Variants in ATP5MC2 observed in about 807,000 individuals in gnomAD.
ATP5MC2 encodes the protein ATP synthase membrane subunit c locus 2.
In ATP5MC2, 11 loss-of-function variants were observed where a neutral mutation model predicts 13.5. The ratio of observed to expected loss-of-function variants is 0.81; its 90% CI spans 0.51 to 1.35. The LOEUF (loss-of-function observed/expected upper bound fraction) is 1.35, where lower values mean the gene tolerates loss of function less well. Ranked by LOEUF, ATP5MC2 falls within the 40% of genes most tolerant of loss-of-function variation. The pLI, the probability that ATP5MC2 is intolerant of heterozygous loss-of-function variation, is 0.00. For synonymous variants in ATP5MC2, 64 were observed against 69.7 expected, an observed-to-expected ratio of 0.92 and a Z score of 0.41; for missense variants, 132 against 175.0, an observed-to-expected ratio of 0.75 and a Z score of 1.39.
chr12:53,675,221 C>T (rs1004847576), intron 1 of ATP5MC2, among the ~76,000 whole-genome samples: 75 of 152,166 alleles, frequency 4.9e-4, no homozygotes, highest in Admixed American at 4.6e-3. Context: ...TTTCCTTAAA[C>T]CTTCTTTTCC....
intron 1 of ATP5MC2, among the ~76,000 whole-genome samples, chr12:53,674,376 C>G (rs145631668): frequency 6.6e-6 from 1 of 152,198 alleles, no homozygotes; most frequent in Admixed American, 6.5e-5. Context: ...GAATAAGGCT[C>G]AAGTGCCCTG....
intron 4 of ATP5MC2, 55 bp from the exon 5 acceptor site, chr12:53,665,483 T>A: frequency 1.4e-6 from 2 of 1,383,922 alleles, no homozygotes; most frequent in Non-Finnish European, 2.1e-6. Flanking sequence ...AAGAAAAGGA[T>A]AAATATCTAA....
In ATP5MC2 at chr12:53,669,948, C is replaced by T. The variant is rs914616966; in HGVS notation, c.40G>A (p.Val14Ile). The T allele has an allele frequency of 6.2e-6, 10 of 1,613,812 alleles. No homozygotes were observed. Among genetic ancestry groups the T allele is most frequent in the African/African-American group, 1.3e-5 (1 of 74,926 alleles). ...CSKFVSTPSL[V>I]KSTSQLLSRP... Reference sequence around the variant, plus strand: ...CTCAGCAGCTGTGAGGTGCTCTTGACCTAGCAGGAATGACATACAGGGGCA... The same window carrying T: ...CTCAGCAGCTGTGAGGTGCTCTTGATCTAGCAGGAATGACATACAGGGGCA... The change falls in exon 3 of 5, where the codon GTC becomes ATC. Residue 14 changes from valine to isoleucine, a missense_variant and splice_region_variant. Physicochemically the swap from Val to Ile is conservative, Grantham distance 29. Coordinates refer to ENST00000394349, the MANE Select transcript of ATP5MC2 (RefSeq NM_005176.7).
upstream of ATP5MC2, among the ~76,000 whole-genome samples, chr12:53,677,959 C>A (rs555059703): frequency 6.6e-6 from 1 of 152,326 alleles, no homozygotes; most frequent in African/African-American, 2.4e-5. Flanking sequence ...GGAGCCACCA[C>A]CCCCAAACGG....
rs57929423 is a variant in ATP5MC2 at position 53,672,594 on chromosome 12, A to G, written c.21T>C (p.Phe7=). The G allele has an allele frequency of 2.9e-3, 4,595 of 1,583,180 alleles. 74 individuals are homozygous for G. The African/African-American group carries it at 0.032, about 11-fold the overall frequency. The change falls in exon 2 of 5, where the codon TTT becomes TTC. Residue 7 remains phenylalanine, a synonymous_variant. Transcript: ENST00000394349. ...TACTCACCAAGGAGGGAGTGGAGAC[A>G]AACTTGGAGCAGGCGAACATTTTCA... MFACSK[F]VSTPSLVKST... is the part of the protein sequence containing the mutation.
chr12:53,665,534 C>T, intron 4 of ATP5MC2, 106 bp from the exon 5 acceptor site: 2 of 960,192 alleles, frequency 2.1e-6, no homozygotes, highest in Non-Finnish European at 3.2e-6. Context: ...GATTATCTCA[C>T]ATAATAAAGA....
chr12:53,679,684 G>A (rs79404977), upstream of ATP5MC2, among the ~76,000 whole-genome samples: 787 of 152,304 alleles, frequency 5.2e-3, 5 homozygotes, highest in African/African-American at 0.018. Flanking sequence ...TACATATTGA[G>A]CTTCTCTATT....
At chr12:53,666,741 CAG>C (rs1177085932) in intron 4 of ATP5MC2, among the ~76,000 whole-genome samples, 1 of 150,792 alleles carries the variant, frequency 6.6e-6, no homozygotes, top group East Asian at 1.9e-4. Flanking sequence ...GCCTGGGTGA[CAG>C]AGTCAGACTC....
chr12:53,675,940 C>G, intron 1 of ATP5MC2, 113 bp downstream of exon 1: 1 of 1,434,410 alleles, frequency 7.0e-7, no homozygotes, highest in South Asian at 1.4e-5. Context: ...CAAGAAAGGG[C>G]GAGAGGACCA....
intron 3 of ATP5MC2, 128 bp downstream of exon 3, chr12:53,669,743 A>C: frequency 1.0e-6 from 1 of 1,004,922 alleles, no homozygotes; most frequent in Non-Finnish European, 1.5e-6. Flanking sequence ...CCTAAAGCCC[A>C]TGGCCTTGGC....
intron 2 of ATP5MC2, 142 bp downstream of exon 2, chr12:53,672,434 C>T: frequency 1.2e-6 from 1 of 864,932 alleles, no homozygotes; most frequent in South Asian, 1.5e-5. Context: ...GTTGGCCAGG[C>T]TGGTTTTGAA....
chr12:53,669,384 G>C, intron 3 of ATP5MC2, 43 bp from the exon 4 acceptor site: 2 of 1,578,786 alleles, frequency 1.3e-6, no homozygotes, highest in South Asian at 1.2e-5. Flanking sequence ...TTTTGCTTTG[G>C]TAACTTTTGT....
chr12:53,667,956 C>CAT (rs772110168), intron 4 of ATP5MC2, among the ~76,000 whole-genome samples: 973 of 67,140 alleles, frequency 0.014, 26 homozygotes, highest in South Asian at 0.024. Flanking sequence ...CATACACACA[C>CAT]ATATATATAT....
intron 1 of ATP5MC2, among the ~76,000 whole-genome samples, chr12:53,674,723 C>G (rs1235638586): frequency 6.6e-6 from 1 of 152,202 alleles, no homozygotes; most frequent in Non-Finnish European, 1.5e-5. Context: ...GTTGGGATTA[C>G]AGGTGTGAGC....
At chr12:53,680,507 G>T (rs543467056), upstream of ATP5MC2, among the ~76,000 whole-genome samples, 1 of 152,108 alleles carries the variant, frequency 6.6e-6, no homozygotes, top group East Asian at 1.9e-4. Flanking sequence ...TAGTCAAGGG[G>T]GCAACATAAT....
chr12:53,665,664 C>A (rs991148511), intron 4 of ATP5MC2, among the ~76,000 whole-genome samples: 1 of 152,180 alleles, frequency 6.6e-6, no homozygotes, highest in Non-Finnish European at 1.5e-5. Context: ...CAGGTATAAT[C>A]ATGACCTTCA....
upstream of ATP5MC2, among the ~76,000 whole-genome samples, chr12:53,680,689 GA>G (rs757742169): frequency 1.1e-3 from 144 of 131,748 alleles, no homozygotes; most frequent in African/African-American, 3.7e-3. Context: ...CAAAATGTTT[GA>G]AAAAAAAATT....
intron 2 of ATP5MC2, among the ~76,000 whole-genome samples, chr12:53,672,003 T>A (rs143878133): frequency 0.011 from 1,589 of 146,074 alleles, 24 homozygotes; most frequent in African/African-American, 0.034. Flanking sequence ...CTGAGGCAGG[T>A]GAACTGCTTG....
intron 3 of ATP5MC2, among the ~76,000 whole-genome samples, 162 bp from the exon 4 acceptor site, chr12:53,669,503 G>A (rs1446618339): frequency 1.3e-5 from 2 of 152,196 alleles, no homozygotes; most frequent in Non-Finnish European, 2.9e-5. Context: ...GTAGGATGTA[G>A]ACTTCAAATG....
Sources: allele counts gnomAD v4.1 joint callset (sites outside exome capture counted in the v4.1 genomes callset), GRCh38; gene constraint gnomAD v4.1.1; transcripts MANE v1.5; gene names NCBI Gene and HGNC (gene_info 2026-07-23, HGNC 2026-07-21).